UGT2A1: variants seen among roughly 807,000 people sequenced by gnomAD.
The protein encoded by UGT2A1 is UDP-glucuronosyltransferase 2A1.
In UGT2A1, 61 loss-of-function variants were observed where a neutral mutation model predicts 45.4. The ratio of observed to expected loss-of-function variants is 1.34; its 90% CI spans 1.09 to 1.66. The LOEUF (loss-of-function observed/expected upper bound fraction) is 1.66. UGT2A1 is among the 40% of genes most tolerant of loss of function. The pLI, the probability that UGT2A1 is intolerant of heterozygous loss-of-function variation, is 0.00. For synonymous variants in UGT2A1, 229 were observed against 196.2 expected, an observed-to-expected ratio of 1.17 and a Z score of -1.40; for missense variants, 649 against 574.3, an observed-to-expected ratio of 1.13 and a Z score of -1.33.
chr4:69,626,660 C>A (rs1279143334), intron 3 of UGT2A1, among the ~76,000 whole-genome samples: 1 of 130,652 alleles, frequency 7.7e-6, no homozygotes, highest in African/African-American at 3.0e-5. Flanking sequence ...AAATAAAATA[C>A]AATGTTACTA....
chr4:69,639,594 A>T, intron 2 of UGT2A1: 1 of 1,608,458 alleles, frequency 6.2e-7, no homozygotes, highest in Non-Finnish European at 8.5e-7. Context: ...AAAAACCAGC[A>T]TCTGGACAAA....
At chr4:69,616,513 T>G (rs1311278263) in intron 3 of UGT2A1, among the ~76,000 whole-genome samples, 4 of 151,970 alleles carry the variant, frequency 2.6e-5, no homozygotes, top group African/African-American at 7.2e-5. Context: ...CTATTATGTA[T>G]ACATAATAAT....
rs896884513 is a variant in UGT2A1, at chr4:69,603,829, C to G, written c.848-4435G>C. Among the ~76,000 whole-genome samples the G allele has an allele frequency of 1.3e-4, 18 of 135,968 alleles. 2 individuals are homozygous for G. Among genetic ancestry groups the G allele is most frequent in the African/African-American group, 2.1e-4 (7 of 33,500 alleles). 89.2% of individuals were successfully genotyped at this position (135,968 alleles called of 152,430 possible). ...AGAAAGGGTATCAGTGATGGAAGAT[C>G]AAATGAATGAAATGAAGCGAGAAGA... On this transcript the variant is annotated intron_variant, in intron 3 of 6. Transcript: ENST00000286604.
chr4:69,634,454 C>G (rs1185644337), intron 3 of UGT2A1, among the ~76,000 whole-genome samples: 1 of 151,934 alleles, frequency 6.6e-6, no homozygotes, highest in African/African-American at 2.4e-5. Flanking sequence ...AAATACAACA[C>G]TGGGCCCAGA....
chr4:69,595,551 T>C (rs1245103882), intron 4 of UGT2A1, among the ~76,000 whole-genome samples: 2 of 152,080 alleles, frequency 1.3e-5, no homozygotes, highest in Non-Finnish European at 2.9e-5. Context: ...AATCACAACA[T>C]GAAGGGGAAA....
chr4:69,620,721 A>G (rs1160447911), intron 3 of UGT2A1, among the ~76,000 whole-genome samples: 2 of 151,814 alleles, frequency 1.3e-5, no homozygotes. Flanking sequence ...TGGAGTCATC[A>G]CACAATCCAA....
At chr4:69,594,384 A>T in intron 6 of UGT2A1, 93 bp downstream of exon 6, 2 of 1,480,986 alleles carry the variant, frequency 1.4e-6, no homozygotes, top group South Asian at 2.7e-5. Context: ...GTTATTGGAA[A>T]ATAATTACAA....
intron 2 of UGT2A1, among the ~76,000 whole-genome samples, chr4:69,638,030 A>G (rs2109966806): frequency 6.6e-6 from 1 of 151,832 alleles, no homozygotes; most frequent in Non-Finnish European, 1.5e-5. Context: ...GAAAGAAGGA[A>G]GGAAAAAAAG....
At chr4:69,591,970 T>A (rs1718618519) in intron 6 of UGT2A1, among the ~76,000 whole-genome samples, 1 of 152,182 alleles carries the variant, frequency 6.6e-6, no homozygotes, top group South Asian at 2.1e-4. Context: ...ATACAACATG[T>A]ACGTATTAAT....
At chr4:69,598,694 T>C (rs538339044) in intron 4 of UGT2A1, among the ~76,000 whole-genome samples, 2 of 152,230 alleles carry the variant, frequency 1.3e-5, no homozygotes, top group Non-Finnish European at 2.9e-5. Context: ...AAACTCACCA[T>C]TGTCAACTCA....
At chr4:69,602,069 T>C (rs1455183827) in intron 3 of UGT2A1, among the ~76,000 whole-genome samples, 1 of 137,050 alleles carries the variant, frequency 7.3e-6, no homozygotes, top group Non-Finnish European at 1.6e-5. Context: ...AAAATGATTA[T>C]CTGACTAAAT....
chr4:69,647,672 G>GA lies in UGT2A1; in HGVS notation c.-29dup. On this transcript the variant is annotated 5_prime_UTR_variant, in exon 2 of 7. Transcript: ENST00000286604. ...TGTGGCTTGATGCAGAAGATTTGATGAGATGTGAAGCAAATGTTTTTCTCT... is the reference window on the plus strand; with the variant it reads ...TGTGGCTTGATGCAGAAGATTTGATGAAGATGTGAAGCAAATGTTTTTCTCT... 1 of 1,404,314 alleles carries GA rather than the reference G, an allele frequency of 7.1e-7. No homozygotes were observed. Among genetic ancestry groups the GA allele is most frequent in the Non-Finnish European group, 9.6e-7 (1 of 1,044,446 alleles). 87.0% of individuals were successfully genotyped at this position (1,404,314 alleles called of 1,614,324 possible). A position where few individuals can be genotyped will look rare whatever the true frequency, so the allele number is the denominator to read the frequency against.
chr4:69,595,409 G>T, intron 4 of UGT2A1, among the ~76,000 whole-genome samples, 160 bp from the exon 5 acceptor site: 1 of 152,214 alleles, frequency 6.6e-6, no homozygotes, highest in East Asian at 1.9e-4. Flanking sequence ...CTGTTTATAT[G>T]TACCTTTTTG....
In UGT2A1 at chr4:69,627,598, A is replaced by AAAG. The variant is rs1560486909; in HGVS notation, c.847+8092_847+8093insCTT. Among the ~76,000 whole-genome samples the AAAG allele has an allele frequency of 8.4e-3, 1,248 of 149,220 alleles. 9 individuals carry two copies. The highest frequency in any genetic ancestry group is 0.029 in the African/African-American group (1,165 of 40,624). On this transcript the variant is annotated intron_variant, in intron 3 of 6. Transcript: ENST00000286604. ...AGAGAGAAAGAAAAAAAGAAGAAAG[A>AAAG]AAAGAAAGAAAGAAAGAGAAGAAAG...
Position 69,601,407 on chromosome 4 carries a change from G to T in UGT2A1, c.848-2013C>A, listed in dbSNP as rs115687450. Among the ~76,000 whole-genome samples the T allele has an allele frequency of 4.6e-3, 695 of 152,148 alleles. 4 individuals are homozygous for T. The highest frequency in any genetic ancestry group is 8.1e-3 in the Non-Finnish European group (554 of 67,986). On this transcript the variant is annotated intron_variant, in intron 3 of 6. Transcript: ENST00000286604. Reference sequence around the variant, plus strand: ...CCCGCCCCCCGGAGTACTACTCCTGGGTAACATAAGGCAAGCACAAAACTC... The same window carrying T: ...CCCGCCCCCCGGAGTACTACTCCTGTGTAACATAAGGCAAGCACAAAACTC...
In UGT2A1 at chr4:69,647,115, G is replaced by C; in HGVS notation, c.530C>G (p.Ser177Ter). ...FMYSLRFSPASTVEKHCGKVP... is the reference protein window; with the variant it reads ...FMYSLRFSPA ...CTTCCCACAGTGCTTTTCCACTGTT[G>C]AGGCTGGAGAAAACCTCAAGGAGTA... is the stretch of plus-strand genomic sequence containing the variant. Residue 177 changes from serine to a stop codon, truncating the protein, a stop_gained, in exon 2 of 7, where the codon TCA becomes TGA. Transcript: ENST00000286604. LOFTEE classifies it high-confidence loss of function. 1 of 1,612,922 alleles carries C rather than the reference G, an allele frequency of 6.2e-7. No individual in the cohort carries two copies. Among genetic ancestry groups the C allele is most frequent in the African/African-American group, 1.3e-5 (1 of 74,956 alleles).
rs766575965 is a variant in UGT2A1 at position 69,594,503 on chromosome 4, A to G, written c.1278T>C (p.Ala426=). The change falls in exon 6 of 7, where the codon GCT becomes GCC. Residue 426 remains alanine, a synonymous_variant. Transcript: ENST00000286604. ...NTMTSVDLLS[A]LRTVINEPSY... is the part of the protein sequence containing the mutation. Reference sequence around the variant, plus strand: ...AAGGTTCATTAATGACTGTTCTCAAAGCGCTAAGCAAATCCACACTTGTCA... The same window carrying G: ...AAGGTTCATTAATGACTGTTCTCAAGGCGCTAAGCAAATCCACACTTGTCA... The G allele has an allele frequency of 6.2e-7, 1 of 1,614,156 alleles. No homozygotes were observed. Among genetic ancestry groups the G allele is most frequent in the Non-Finnish European group, 8.5e-7 (1 of 1,180,030 alleles).
At chr4:69,637,556 A>G (rs937149826) in intron 2 of UGT2A1, among the ~76,000 whole-genome samples, 6 of 151,998 alleles carry the variant, frequency 3.9e-5, no homozygotes, top group African/African-American at 1.4e-4. Context: ...TCTGACTTTC[A>G]CTTCCCTCAG....
At chr4:69,612,470 C>T (rs934463607) in intron 3 of UGT2A1, among the ~76,000 whole-genome samples, 3 of 151,996 alleles carry the variant, frequency 2.0e-5, no homozygotes, top group Non-Finnish European at 4.4e-5. Context: ...AAGCACCATA[C>T]TACCCAACTT....
Sources: gnomAD v4.1 joint callset for allele counts (sites outside exome capture counted in the v4.1 genomes callset) on GRCh38, gnomAD v4.1.1 for gene constraint, MANE v1.5 for transcripts, NCBI Gene and HGNC (gene_info 2026-07-23, HGNC 2026-07-21) for gene names.